The following NIPAL1 variants were observed in gnomAD, a reference collection of about 807,000 sequenced individuals.
NIPAL1 encodes magnesium transporter NIPA3.
Under a neutral mutation model 37.7 loss-of-function variants are expected in NIPAL1, and 35 were observed. The ratio of observed to expected loss-of-function variants is 0.93; its 90% CI spans 0.71 to 1.23. The LOEUF is 1.23. NIPAL1 is among the 50% of genes most tolerant of loss of function. NIPAL1 has a pLI of 0.00. For missense variants in NIPAL1, 412 were observed against 473.9 expected (o/e 0.87, Z 1.21); for synonymous variants, 162 against 183.0 (o/e 0.89, Z 0.93).
chr4:48,030,608 C>G (rs965361099), intron 3 of NIPAL1, among the ~76,000 whole-genome samples: 2 of 152,214 alleles, frequency 1.3e-5, no homozygotes, highest in Non-Finnish European at 2.9e-5. Flanking sequence ...GCTTCTGTGG[C>G]TGCTTGGTAC....
intron 3 of NIPAL1, 50 bp from the exon 4 acceptor site, chr4:48,032,943 T>A: frequency 7.6e-7 from 1 of 1,307,910 alleles, no homozygotes; most frequent in Non-Finnish European, 1.1e-6. Flanking sequence ...GTTTTTCTCT[T>A]CTGACAAGTA....
rs1717094735 is a variant in NIPAL1, at chr4:48,036,551, A to G, written c.*379A>G. On this transcript the variant is annotated 3_prime_UTR_variant, in exon 6 of 6. Coordinates refer to ENST00000295461, the MANE Select transcript of NIPAL1 (RefSeq NM_207330.3). The stretch of plus-strand genomic sequence containing the variant: ...TTAGCAGTGTTCTGATAGACACAGT[A>G]TCAGTCATATTCTCCGTTGAGTCAT... The G allele has an allele frequency of 5.0e-6, 1 of 201,312 alleles. No homozygotes were observed. Among genetic ancestry groups the G allele is most frequent in the Admixed American group, 6.2e-5 (1 of 16,200 alleles). 12.5% of individuals were successfully genotyped at this position (201,312 alleles called of 1,614,324 possible). A position where few individuals can be genotyped will look rare whatever the true frequency, so the allele number is the denominator to read the frequency against.
intron 3 of NIPAL1, 74 bp downstream of exon 3, chr4:48,030,250 G>A: frequency 2.1e-6 from 2 of 940,742 alleles, no homozygotes; most frequent in Admixed American, 1.8e-5. Flanking sequence ...TTCATAATTG[G>A]TTAATCTTCC....
chr4:48,020,811 A>G lies in NIPAL1; in HGVS notation c.46+3926A>G, dbSNP rs190467049. ...GAATACTGAATGAATAATAATCCAAACTATCACAGTAGAATAGATGGTGAG... is the reference window on the plus strand; with the variant it reads ...GAATACTGAATGAATAATAATCCAAGCTATCACAGTAGAATAGATGGTGAG... On this transcript the variant is annotated intron_variant, in intron 1 of 5. Coordinates refer to ENST00000295461, the MANE Select transcript of NIPAL1 (RefSeq NM_207330.3). Among the ~76,000 whole-genome samples, 447 of 152,258 alleles carry G rather than the reference A, an allele frequency of 2.9e-3. 2 individuals are homozygous for G. Among genetic ancestry groups the G allele is most frequent in the Non-Finnish European group, 4.1e-3 (282 of 68,008 alleles).
chr4:48,031,218 C>T (rs1394675203), intron 3 of NIPAL1, among the ~76,000 whole-genome samples: 1 of 152,052 alleles, frequency 6.6e-6, no homozygotes, highest in Non-Finnish European at 1.5e-5. Context: ...GCACACACCA[C>T]CACACCCAGC....
At chr4:48,023,945 A>G (rs1715627814) in intron 1 of NIPAL1, among the ~76,000 whole-genome samples, 2 of 149,926 alleles carry the variant, frequency 1.3e-5, no homozygotes, top group South Asian at 4.3e-4. Context: ...AATGACTCAT[A>G]CCCCACCAAA....
At chr4:48,017,865 T>C (rs186505) in intron 1 of NIPAL1, among the ~76,000 whole-genome samples, 6 of 6,124 alleles carry the variant, frequency 9.8e-4, no homozygotes, top group East Asian at 1.5e-3. Flanking sequence ...CCCTTACACA[T>C]ATATATATAT....
At chr4:48,033,352 A>T (rs1715861735) in intron 4 of NIPAL1, among the ~76,000 whole-genome samples, 1 of 152,222 alleles carries the variant, frequency 6.6e-6, no homozygotes, top group African/African-American at 2.4e-5. Flanking sequence ...AAGACTATAA[A>T]ATAACAGTAG....
chr4:48,028,327 C>T (rs952246070), intron 2 of NIPAL1, among the ~76,000 whole-genome samples: 5 of 152,102 alleles, frequency 3.3e-5, no homozygotes, highest in Non-Finnish European at 1.5e-5. Flanking sequence ...CGCTAGGGAA[C>T]GGCTACCCTA....
rs566200801 is a variant in NIPAL1 at position 48,036,401 on chromosome 4, T to C, written c.*229T>C. The C allele has an allele frequency of 2.1e-6, 1 of 475,680 alleles. No homozygotes were observed. Among genetic ancestry groups the C allele is most frequent in the South Asian group, 2.6e-5 (1 of 37,826 alleles). The allele number at this position is 475,680 out of a possible 1,614,324, so 29.5% of individuals were successfully genotyped here. A position where few individuals can be genotyped will look rare whatever the true frequency, so the allele number is the denominator to read the frequency against. On this transcript the variant is annotated 3_prime_UTR_variant, in exon 6 of 6. Transcript: ENST00000295461. ...AAATACTCTCTAAGGATCAAAGAAG[T>C]CAAAGAGCTATGTGTGTCTCAGAAT... is the stretch of plus-strand genomic sequence containing the variant.
rs4695327 is a variant in NIPAL1, at chr4:48,027,719, A to G, written c.313+2385A>G. Among the ~76,000 whole-genome samples the G allele has an allele frequency of 1.2e-3, 180 of 152,354 alleles. No homozygotes were observed. The highest frequency in any genetic ancestry group is 4.3e-3 in the African/African-American group (178 of 41,594). On this transcript the variant is annotated intron_variant, in intron 2 of 5. Transcript: ENST00000295461. This position sits in a 1 kb window ranked among gnomAD's most constrained non-coding sequence, Gnocchi z 4.1. ...AGTAAATATAATGACAAAGTCACAG[A>G]TTAGAGTAGTAGGAAGATAACCTTT...
intron 1 of NIPAL1, among the ~76,000 whole-genome samples, chr4:48,024,245 C>G (rs1217869056): frequency 6.6e-6 from 1 of 152,078 alleles, no homozygotes; most frequent in East Asian, 1.9e-4. Context: ...ACCCAAAGTG[C>G]TGGGATTACA....
intron 3 of NIPAL1, among the ~76,000 whole-genome samples, chr4:48,030,547 T>C (rs1427735347): frequency 6.6e-6 from 1 of 152,210 alleles, no homozygotes; most frequent in Admixed American, 6.5e-5. Context: ...CTGCATATTT[T>C]CTCAAGAAAG....
chr4:48,031,054 GTTTT>G (rs981913983), intron 3 of NIPAL1, among the ~76,000 whole-genome samples: 3 of 151,808 alleles, frequency 2.0e-5, no homozygotes, highest in Non-Finnish European at 4.4e-5. Context: ...TTTTTTTGGG[GTTTT>G]TTTGTTTTTT....
At chr4:48,023,227 C>G (rs1715615966) in intron 1 of NIPAL1, among the ~76,000 whole-genome samples, 1 of 152,076 alleles carries the variant, frequency 6.6e-6, no homozygotes, top group Non-Finnish European at 1.5e-5. Flanking sequence ...ATTTCTGAAA[C>G]AAAGTTGGAT....
At chr4:48,016,975 G>C (rs1219396501) in intron 1 of NIPAL1, 90 bp downstream of exon 1, 13 of 1,106,368 alleles carry the variant, frequency 1.2e-5, no homozygotes, top group Non-Finnish European at 1.6e-5. Flanking sequence ...AGACTGGAAA[G>C]GGGGGCTGTA....
intron 1 of NIPAL1, among the ~76,000 whole-genome samples, chr4:48,023,338 C>G (rs569217766): frequency 6.6e-6 from 1 of 152,284 alleles, no homozygotes; most frequent in South Asian, 2.1e-4. Flanking sequence ...TGTTTCTTAA[C>G]TTTGCATGTG....
Position 48,035,608 on chromosome 4 carries a change from G to T in NIPAL1, c.669G>T (p.Leu223=). 3 of 1,613,358 alleles carry T rather than the reference G, an allele frequency of 1.9e-6. No homozygotes were observed. Among genetic ancestry groups the T allele is most frequent in the Non-Finnish European group, 2.5e-6 (3 of 1,179,702 alleles). ...TCATAACTGTGATCTCCTTGGTGCT[G>T]ATTTTGATTGTGGCTCCCAAGAAAG... is the stretch of plus-strand genomic sequence containing the variant. ...AVIITVISLV[L]ILIVAPKKGQ... Residue 223 remains leucine, a synonymous_variant, in exon 6 of 6, where the codon CTG becomes CTT. Coordinates refer to ENST00000295461, the MANE Select transcript of NIPAL1 (RefSeq NM_207330.3).
chr4:48,025,459 G>A (rs1715666838), intron 2 of NIPAL1, 125 bp downstream of exon 2: 1 of 939,164 alleles, frequency 1.1e-6, no homozygotes, highest in East Asian at 2.5e-5. Flanking sequence ...TTTCCATATG[G>A]ATGTTAGAAA....
Sources: allele counts gnomAD v4.1 joint callset (sites outside exome capture counted in the v4.1 genomes callset), GRCh38; gene constraint gnomAD v4.1.1; non-coding constraint Gnocchi (gnomAD v3.1); transcripts MANE v1.5; gene names NCBI Gene and HGNC (gene_info 2026-07-23, HGNC 2026-07-21).